SYNE1: variants seen among roughly 807,000 people sequenced by gnomAD.
SYNE1 encodes nesprin-1.
A neutral mutation model predicts 1,111.0 loss-of-function variants in SYNE1; 616 were observed. The ratio of observed to expected loss-of-function variants is 0.55; its 90% CI spans 0.52 to 0.59. The LOEUF (loss-of-function observed/expected upper bound fraction) is 0.59. Ranked by LOEUF, SYNE1 falls within the 20% of genes least tolerant of loss-of-function variation. The pLI, the probability that SYNE1 is intolerant of heterozygous loss-of-function variation, is 0.00. For synonymous variants in SYNE1, 3,855 were observed against 3,825.8 expected (o/e 1.01, Z -0.28); for missense variants, 10,006 against 10,417.0 (o/e 0.96, Z 1.72).
intron 59 of SYNE1, among the ~76,000 whole-genome samples, chr6:152,371,194 T>C (rs779618790): frequency 6.6e-6 from 1 of 152,056 alleles, no homozygotes; most frequent in Non-Finnish European, 1.5e-5. Context: ...TGAATTGTAG[T>C]TCCCATAATC....
chr6:152,336,651 G>T, intron 76 of SYNE1, 190 bp downstream of exon 76: 2 of 734,840 alleles, frequency 2.7e-6, no homozygotes, highest in Non-Finnish European at 4.7e-6. Flanking sequence ...TGTGCGGCCA[G>T]GTTCCTAACA....
chr6:152,464,308 T>C (rs1471423435), intron 18 of SYNE1, among the ~76,000 whole-genome samples: 1 of 152,206 alleles, frequency 6.6e-6, no homozygotes, highest in African/African-American at 2.4e-5. Context: ...ATCCATTTCG[T>C]AAGCCTTGTG....
chr6:152,184,473 T>C (rs2069117385), intron 128 of SYNE1, among the ~76,000 whole-genome samples: 1 of 151,302 alleles, frequency 6.6e-6, no homozygotes, highest in Non-Finnish European at 1.5e-5. Flanking sequence ...AATTGACTGA[T>C]ATATATTAAA....
chr6:152,150,914 A>G (rs1372286181), intron 135 of SYNE1, among the ~76,000 whole-genome samples: 1 of 152,178 alleles, frequency 6.6e-6, no homozygotes, highest in African/African-American at 2.4e-5. Context: ...AAAATAAACG[A>G]AAACAACAAC....
At chr6:152,293,008 T>C (rs767461316) in intron 95 of SYNE1, among the ~76,000 whole-genome samples, 2 of 152,262 alleles carry the variant, frequency 1.3e-5, no homozygotes, top group Non-Finnish European at 2.9e-5. Context: ...TTTTTAACAT[T>C]ATCTTTCTGC....
At chr6:152,444,381 A>T (rs940791054) in intron 30 of SYNE1, 30 bp downstream of exon 30, 10 of 1,611,284 alleles carry the variant, frequency 6.2e-6, no homozygotes, top group East Asian at 4.5e-5. Context: ...AACTTTACAT[A>T]ATCTTGTTGG....
chr6:152,504,104 A>T (rs111551879), intron 9 of SYNE1, among the ~76,000 whole-genome samples: 2 of 152,246 alleles, frequency 1.3e-5, no homozygotes, highest in African/African-American at 4.8e-5. Context: ...AATCATGCAT[A>T]TTCTCCTTTC....
intron 95 of SYNE1, among the ~76,000 whole-genome samples, chr6:152,285,224 A>G (rs945501568): frequency 1.3e-5 from 2 of 152,038 alleles, no homozygotes; most frequent in Non-Finnish European, 2.9e-5. Context: ...CACTCACCAG[A>G]TCCAAACCAT....
At chr6:152,198,044 TA>T (rs1259123302) in intron 127 of SYNE1, among the ~76,000 whole-genome samples, 1 of 100,456 alleles carries the variant, frequency 1.0e-5, no homozygotes, top group East Asian at 3.2e-4. Context: ...GAAGGAAGGT[TA>T]AAAGGAAAGA....
chr6:152,245,355 G>C lies in SYNE1; in HGVS notation c.19573-699C>G, dbSNP rs571195663. 3.3e-5 allele frequency among the ~76,000 whole-genome samples: 5 copies of C among 152,198 alleles called. No individual in the cohort carries two copies. In the South Asian group the frequency reaches 1.0e-3, roughly 31 times the overall value. On this transcript the variant is annotated intron_variant, in intron 105 of 145. Coordinates refer to ENST00000367255, the MANE Select transcript of SYNE1 (RefSeq NM_182961.4). ...AATGCAACTCATCCCCATTAGCAGA[G>C]ATCAGAGAAGGGAGATACCAGACCA...
intron 71 of SYNE1, 49 bp from the exon 72 acceptor site, chr6:152,350,384 C>G (rs1186336907): frequency 6.2e-7 from 1 of 1,612,836 alleles, no homozygotes; most frequent in Non-Finnish European, 8.5e-7. Flanking sequence ...GAAAAACCTA[C>G]TCAAAACTGT....
chr6:152,595,714 C>T (rs556807386), intron 3 of SYNE1, among the ~76,000 whole-genome samples: 3 of 152,254 alleles, frequency 2.0e-5, no homozygotes, highest in Non-Finnish European at 4.4e-5. Flanking sequence ...ATTGGCTCTA[C>T]ATCTGCCCCT....
chr6:152,360,011 T>C (rs1231080264), intron 64 of SYNE1, among the ~76,000 whole-genome samples: 2 of 152,156 alleles, frequency 1.3e-5, no homozygotes, highest in African/African-American at 2.4e-5. Flanking sequence ...GCCCTCCTCT[T>C]TCACTTGGAC....
At chr6:152,435,461 CA>C (rs2098465184) in intron 33 of SYNE1, 1 of 153,560 alleles carries the variant, frequency 6.5e-6, no homozygotes, top group Admixed American at 6.6e-5. Flanking sequence ...GCATATTAGT[CA>C]GGATAACTTG....
chr6:152,344,262 C>A, intron 73 of SYNE1, 35 bp from the exon 74 acceptor site: 5 of 1,613,814 alleles, frequency 3.1e-6, no homozygotes, highest in Non-Finnish European at 4.2e-6. Context: ...ATTATGAGAA[C>A]TGCTTTCTAC....
At chr6:152,583,266 AGG>A (rs2099526493) in intron 3 of SYNE1, among the ~76,000 whole-genome samples, 1 of 152,118 alleles carries the variant, frequency 6.6e-6, no homozygotes, top group Non-Finnish European at 1.5e-5. Context: ...CCTAAAATGA[AGG>A]TCACTCAGGG....
intron 22 of SYNE1, 94 bp downstream of exon 22, chr6:152,458,663 C>A: frequency 7.4e-7 from 1 of 1,358,336 alleles, no homozygotes; most frequent in African/African-American, 1.4e-5. Context: ...AAAAATGTTT[C>A]TTGTCCTCAC....
intron 87 of SYNE1, chr6:152,316,488 A>C (rs901720196): frequency 6.9e-6 from 2 of 289,626 alleles, no homozygotes; most frequent in Non-Finnish European, 1.3e-5. Flanking sequence ...CTGAGTGTGG[A>C]GTCTAGAATC....
rs539549948 is a variant in SYNE1 at position 152,329,802 on chromosome 6, C to G, written c.14883G>C (p.Ala4961=). ...GCTCAGCGAGGCTGTGTTCTAAATC[C>G]GCAGAAATCAGCTCCTTGGCCTTTG... ...KFTKAKELIS[A]DLEHSLAELS... Residue 4961 remains alanine (A), a synonymous_variant, in exon 78 of 146, where the codon GCG becomes GCC. Coordinates refer to ENST00000367255, the MANE Select transcript of SYNE1 (RefSeq NM_182961.4). The G allele has an allele frequency of 6.2e-7, 1 of 1,614,170 alleles. No individual in the cohort carries two copies. The highest frequency in any genetic ancestry group is 8.5e-7 in the Non-Finnish European group (1 of 1,180,024).
Sources: gnomAD v4.1 joint callset for allele counts (sites outside exome capture counted in the v4.1 genomes callset) on GRCh38, gnomAD v4.1.1 for gene constraint, MANE v1.5 for transcripts, NCBI Gene and HGNC (gene_info 2026-07-23, HGNC 2026-07-21) for gene names.